The following MSI2 variants were observed in gnomAD, a reference collection of about 807,000 sequenced individuals.
MSI2 encodes RNA-binding protein Musashi homolog 2.
MSI2 carries 17 observed loss-of-function variants against 45.6 expected under a neutral mutation model. That is an observed-to-expected ratio of 0.37 (90% CI 0.26 to 0.56). The LOEUF is 0.56. Among genes scored for constraint, MSI2 ranks in the 20% least tolerant of loss-of-function variants. MSI2 has a pLI of 0.77. For synonymous variants in MSI2, 156 were observed against 158.2 expected (o/e 0.99, Z 0.11); for missense variants, 293 against 444.2 (o/e 0.66, Z 3.06).
At position 57,653,112 on chromosome 17, in the gene MSI2, G is replaced by C. The variant is rs572822038; in HGVS notation, c.790+951G>C. ...TGAGGAGGGTGGGGCTGGGCAGGGT[G>C]GGGGGCTGGTGAGGGTACCAGGAAA... On this transcript the variant is annotated intron_variant, in intron 11 of 13. Coordinates refer to ENST00000284073, the MANE Select transcript of MSI2 (RefSeq NM_138962.4). 4.5e-3 allele frequency among the ~76,000 whole-genome samples: 685 copies of C among 152,294 alleles called. 3 individuals carry two copies. Among genetic ancestry groups the C allele is most frequent in the African/African-American group, 0.015 (619 of 41,556 alleles).
intron 5 of MSI2, among the ~76,000 whole-genome samples, chr17:57,369,148 A>G (rs1236355164): frequency 6.6e-6 from 1 of 152,196 alleles, no homozygotes; most frequent in Non-Finnish European, 1.5e-5. Context: ...GGTGGGAATG[A>G]CAGGGTGCTG....
At chr17:57,398,510 G>T (rs2083931106) in intron 5 of MSI2, among the ~76,000 whole-genome samples, 1 of 152,242 alleles carries the variant, frequency 6.6e-6, no homozygotes, top group Non-Finnish European at 1.5e-5. Context: ...TGAAATTATA[G>T]TGGAAGACAA....
intron 7 of MSI2, among the ~76,000 whole-genome samples, chr17:57,556,247 C>T (rs575255628): frequency 2.0e-5 from 3 of 152,046 alleles, no homozygotes; most frequent in Admixed American, 6.5e-5. Flanking sequence ...ATTGATAATC[C>T]GTTTAGGTCT....
At chr17:57,568,704 G>C (rs966971980) in intron 7 of MSI2, among the ~76,000 whole-genome samples, 1 of 152,176 alleles carries the variant, frequency 6.6e-6, no homozygotes, top group African/African-American at 2.4e-5. Flanking sequence ...AACTCCTAGA[G>C]GGTGCTTTTC....
intron 7 of MSI2, among the ~76,000 whole-genome samples, chr17:57,534,449 C>A (rs2086881748): frequency 6.6e-6 from 1 of 152,216 alleles, no homozygotes; most frequent in Admixed American, 6.5e-5. Flanking sequence ...CGATGGCTCA[C>A]ACCTGTAATC....
chr17:57,337,033 G>A (rs1203783160), intron 5 of MSI2, among the ~76,000 whole-genome samples: 1 of 152,182 alleles, frequency 6.6e-6, no homozygotes, highest in Non-Finnish European at 1.5e-5. Flanking sequence ...CACTCTCCAT[G>A]TGGGGCCCTC....
chr17:57,686,242 T>TA (rs560470999), downstream of MSI2, among the ~76,000 whole-genome samples: 3 of 151,470 alleles, frequency 2.0e-5, no homozygotes, highest in South Asian at 6.3e-4. Context: ...CAAAATGCAC[T>TA]AAAAAAAGAG....
chr17:57,648,774 C>G lies in MSI2; in HGVS notation c.728-3325C>G, dbSNP rs537473099. 2.6e-5 allele frequency among the ~76,000 whole-genome samples: 4 copies of G among 152,324 alleles called. No homozygotes were observed. In the East Asian group the frequency reaches 7.7e-4, roughly 29 times the overall value. The stretch of plus-strand genomic sequence containing the variant: ...TGCCTGGTTCCCTGCAGTCTTCCCC[C>G]AAGCACTCTCTGCTAAGGCAGTCCC... On this transcript the variant is annotated intron_variant, in intron 10 of 13. Coordinates refer to ENST00000284073, the MANE Select transcript of MSI2 (RefSeq NM_138962.4).
At chr17:57,373,203 T>C (rs2083445979) in intron 5 of MSI2, among the ~76,000 whole-genome samples, 1 of 148,892 alleles carries the variant, frequency 6.7e-6, no homozygotes, top group African/African-American at 2.5e-5. Context: ...TGAGCTGAGA[T>C]TGCGCCACTG....
intron 6 of MSI2, among the ~76,000 whole-genome samples, chr17:57,503,575 C>T (rs1479160787): frequency 6.6e-6 from 1 of 152,194 alleles, no homozygotes; most frequent in Admixed American, 6.5e-5. Flanking sequence ...CAAAAGACTC[C>T]AGGTCTTTAA....
chr17:57,582,342 G>A (rs989201507), intron 7 of MSI2, among the ~76,000 whole-genome samples: 5 of 151,844 alleles, frequency 3.3e-5, no homozygotes, highest in African/African-American at 7.3e-5. Context: ...TGCATGTACC[G>A]CTATGTTAAT....
At chr17:57,370,209 C>T (rs1482465981) in intron 5 of MSI2, among the ~76,000 whole-genome samples, 1 of 152,192 alleles carries the variant, frequency 6.6e-6, no homozygotes, top group Non-Finnish European at 1.5e-5. Context: ...CCTGCCCAGG[C>T]CTGCCCTGGT....
intron 6 of MSI2, among the ~76,000 whole-genome samples, chr17:57,416,125 C>A (rs934142348): frequency 6.6e-6 from 1 of 152,110 alleles, no homozygotes; most frequent in African/African-American, 2.4e-5. Context: ...ATGATAAATG[C>A]CAAGTTTCTA....
In MSI2 at chr17:57,573,503, A is replaced by G. The variant is rs569043258; in HGVS notation, c.455-23365A>G. ...ACCCAGGCTGAAATCTCTGCCCTCA[A>G]TGAGGAAGCTGAGCCTGTTGAGGTC... On this transcript the variant is annotated intron_variant, in intron 7 of 13. Coordinates refer to ENST00000284073, the MANE Select transcript of MSI2 (RefSeq NM_138962.4). 3.7e-4 allele frequency among the ~76,000 whole-genome samples: 56 copies of G among 152,292 alleles called. No individual in the cohort carries two copies. The South Asian group carries it at 8.9e-3, about 24-fold the overall frequency.
intron 10 of MSI2, among the ~76,000 whole-genome samples, chr17:57,644,078 C>A (rs1419970634): frequency 6.6e-6 from 1 of 152,226 alleles, no homozygotes; most frequent in Non-Finnish European, 1.5e-5. Flanking sequence ...CCCCAACCAG[C>A]AGCCGCAACC....
intron 6 of MSI2, among the ~76,000 whole-genome samples, chr17:57,444,036 G>C (rs1359934718): frequency 6.6e-6 from 1 of 152,156 alleles, no homozygotes; most frequent in Non-Finnish European, 1.5e-5. Context: ...AGCCAGGGAA[G>C]AAGACAAGAA....
At chr17:57,637,945 G>T (rs1053428045) in intron 10 of MSI2, among the ~76,000 whole-genome samples, 1 of 152,214 alleles carries the variant, frequency 6.6e-6, no homozygotes, top group Non-Finnish European at 1.5e-5. Context: ...CACCAGCCTT[G>T]CAAAGTCCCC....
intron 5 of MSI2, among the ~76,000 whole-genome samples, chr17:57,334,971 T>A (rs1293833949): frequency 6.6e-6 from 1 of 151,910 alleles, no homozygotes; most frequent in Non-Finnish European, 1.5e-5. Flanking sequence ...AACCGTGCCC[T>A]GTAGTTATGA....
intron 5 of MSI2, among the ~76,000 whole-genome samples, chr17:57,359,453 G>A (rs113379980): frequency 2.0e-3 from 299 of 152,260 alleles, no homozygotes; most frequent in South Asian, 4.8e-3. Context: ...TCTGGGGGGC[G>A]GACTTACCTG....
Sources: allele counts gnomAD v4.1 joint callset (sites outside exome capture counted in the v4.1 genomes callset), GRCh38; gene constraint gnomAD v4.1.1; transcripts MANE v1.5; gene names NCBI Gene and HGNC (gene_info 2026-07-23, HGNC 2026-07-21).